Variants in TFB1M observed in about 807,000 individuals in gnomAD.
TFB1M encodes dimethyladenosine transferase 1, mitochondrial.
TFB1M carries 27 observed loss-of-function variants against 31.1 expected under a neutral mutation model. The ratio of observed to expected loss-of-function variants is 0.87; its 90% CI spans 0.64 to 1.20. TFB1M has a LOEUF of 1.20. Among genes scored for constraint, TFB1M ranks in the 50% most tolerant of loss-of-function variants. The probability of loss-of-function intolerance (pLI) is 0.00; values close to 1 mark genes in which losing one functional copy is unlikely to be tolerated. For missense variants in TFB1M, 394 were observed against 418.7 expected (o/e 0.94, Z 0.51); for synonymous variants, 166 against 151.8 (o/e 1.09, Z -0.69).
chr6:155,263,062 T>C (rs749927764), intron 5 of TFB1M, among the ~76,000 whole-genome samples: 2 of 152,206 alleles, frequency 1.3e-5, no homozygotes, highest in African/African-American at 2.4e-5. Context: ...CTTCCAGTTA[T>C]GTCTCCTGCT....
intron 4 of TFB1M, among the ~76,000 whole-genome samples, chr6:155,290,008 G>A (rs528352609): frequency 1.5e-4 from 23 of 152,302 alleles, no homozygotes; most frequent in African/African-American, 5.5e-4. Context: ...TTCCTGTAGA[G>A]TTGCAGAAAT....
the TFB1M span, chr6:155,245,754 A>AATTT: frequency 3.6e-6 from 2 of 562,928 alleles, no homozygotes; most frequent in African/African-American, 5.6e-5. Flanking sequence ...TGCCTTTTAT[A>AATTT]GTTTTTTTTT....
intron 5 of TFB1M, among the ~76,000 whole-genome samples, chr6:155,263,366 C>T (rs921213036): frequency 6.6e-6 from 1 of 152,096 alleles, no homozygotes; most frequent in Non-Finnish European, 1.5e-5. Flanking sequence ...AGTTTAATGC[C>T]GCCAGCCTTT....
chr6:155,280,832 A>G (rs1432842400), intron 5 of TFB1M, among the ~76,000 whole-genome samples: 1 of 152,230 alleles, frequency 6.6e-6, no homozygotes, highest in Non-Finnish European at 1.5e-5. Flanking sequence ...CAAGGCCTCA[A>G]TAGCTGTGAA....
chr6:155,277,279 C>T (rs533862269), intron 5 of TFB1M, among the ~76,000 whole-genome samples: 50 of 152,232 alleles, frequency 3.3e-4, no homozygotes, highest in African/African-American at 1.1e-3. Flanking sequence ...AAATTTCATT[C>T]ATGTTAACAA....
intron 2 of TFB1M, among the ~76,000 whole-genome samples, chr6:155,301,910 C>T (rs1582871848): frequency 6.6e-6 from 1 of 152,084 alleles, no homozygotes; most frequent in Admixed American, 6.5e-5. Context: ...TGGTATTATG[C>T]TTTGTAAAGG....
the TFB1M span, among the ~76,000 whole-genome samples, chr6:155,234,961 CAGCTAGAGAGGGGAACAG>C: frequency 6.6e-6 from 1 of 151,984 alleles, no homozygotes; most frequent in African/African-American, 2.4e-5. Context: ...GCTGTGCGGA[CAGCTAGAGAGGGGAACAG>C]AGCTAGAGAC....
chr6:155,235,595 CTT>C, the TFB1M span, among the ~76,000 whole-genome samples: 3 of 152,254 alleles, frequency 2.0e-5, no homozygotes, highest in Non-Finnish European at 4.4e-5. Flanking sequence ...AAAAGACACA[CTT>C]ATAATTACTC....
At chr6:155,266,621 C>T (rs778829351) in intron 5 of TFB1M, among the ~76,000 whole-genome samples, 6 of 151,858 alleles carry the variant, frequency 4.0e-5, no homozygotes, top group Admixed American at 2.6e-4. Context: ...CCAAAGCGGG[C>T]GAATCATGAG....
intron 5 of TFB1M, chr6:155,276,414 G>T: frequency 6.4e-7 from 1 of 1,554,002 alleles, no homozygotes; most frequent in East Asian, 2.3e-5. Flanking sequence ...GGAACTTTTG[G>T]GTGCCAAATG....
At chr6:155,284,594 C>T (rs924668472) in intron 5 of TFB1M, among the ~76,000 whole-genome samples, 1 of 152,246 alleles carries the variant, frequency 6.6e-6, no homozygotes, top group East Asian at 1.9e-4. Flanking sequence ...AAACAGACAA[C>T]GGTTTTTTTA....
the TFB1M span, chr6:155,248,145 G>A: frequency 1.2e-5 from 20 of 1,613,954 alleles, no homozygotes; most frequent in African/African-American, 2.7e-5. Flanking sequence ...TGTCCCTGAC[G>A]GACCAGGAGA....
chr6:155,305,246 TTA>T lies in TFB1M; in HGVS notation c.285+5940_285+5941del, dbSNP rs564997262. ...TATATATATATATTAAATTATATATTTATATATATATTAAATTATATATTTAT... is the reference window on the plus strand; with the variant it reads ...TATATATATATATTAAATTATATATTTATATATATTAAATTATATATTTAT... On this transcript the variant is annotated intron_variant, in intron 2 of 6. Transcript: ENST00000367166. 4.6e-3 allele frequency among the ~76,000 whole-genome samples: 151 copies of T among 32,804 alleles called. 42 individuals carry two copies. In the East Asian group the frequency reaches 0.3, roughly 65 times the overall value. 21.5% of individuals were successfully genotyped at this position (32,804 alleles called of 152,430 possible). A position where few individuals can be genotyped will look rare whatever the true frequency, so the allele number is the denominator to read the frequency against.
intron 2 of TFB1M, 93 bp downstream of exon 2, chr6:155,311,095 C>T: frequency 1.4e-6 from 2 of 1,418,018 alleles, no homozygotes; most frequent in Non-Finnish European, 2.0e-6. Flanking sequence ...GAAAAACCTA[C>T]ATAATCTTTG....
chr6:155,282,672 C>T (rs1307953926), intron 5 of TFB1M, among the ~76,000 whole-genome samples: 1 of 152,066 alleles, frequency 6.6e-6, no homozygotes, highest in Non-Finnish European at 1.5e-5. Flanking sequence ...AGAGTACTAG[C>T]CTTGAATTAG....
At position 155,256,831 on chromosome 6, in the gene TFB1M, G is replaced by C. The variant is rs144439047; in HGVS notation, c.*1005C>G. ...TTCCGAGGACCCAGACGTTCACCCC[G>C]AGGCTGAGCAGCAGCCTGGCCCGGA... On this transcript the variant is annotated 3_prime_UTR_variant, in exon 7 of 7. Coordinates refer to ENST00000367166, the MANE Select transcript of TFB1M (RefSeq NM_016020.4). 3 of 1,614,068 alleles carry C rather than the reference G, an allele frequency of 1.9e-6. No individual in the cohort carries two copies. The African/African-American group carries it at 4.0e-5, about 22-fold the overall frequency.
At chr6:155,260,175 C>A in intron 6 of TFB1M, 98 bp downstream of exon 6, 1 of 1,342,778 alleles carries the variant, frequency 7.4e-7, no homozygotes, top group Non-Finnish European at 1.1e-6. Flanking sequence ...GTGTAATACT[C>A]AGAGCTTTAA....
chr6:155,249,814 AAC>A, the TFB1M span: 56 of 1,543,210 alleles, frequency 3.6e-5, no homozygotes, highest in Admixed American at 6.5e-4. Context: ...TAAAACAAAT[AAC>A]AGTTATGAAA....
rs1468809111 is a variant in TFB1M at position 155,305,475 on chromosome 6, A to C, written c.285+5713T>G. 6.2e-5 allele frequency among the ~76,000 whole-genome samples: 2 copies of C among 32,364 alleles called. 1 individual carries two copies. Among genetic ancestry groups the C allele is most frequent in the Non-Finnish European group, 9.6e-5 (2 of 20,790 alleles). The allele number at this position is 32,364 out of a possible 152,430, so 21.2% of individuals were successfully genotyped here. Reference sequence around the variant, plus strand: ...TATATATTTATATATATAAATATATATTAAATTATATATATAAATATATAT... The same window carrying C: ...TATATATTTATATATATAAATATATCTTAAATTATATATATAAATATATAT... On this transcript the variant is annotated intron_variant, in intron 2 of 6. Transcript: ENST00000367166.
Sources: gnomAD v4.1 joint callset for allele counts (sites outside exome capture counted in the v4.1 genomes callset) on GRCh38, gnomAD v4.1.1 for gene constraint, MANE v1.5 for transcripts, NCBI Gene and HGNC (gene_info 2026-07-23, HGNC 2026-07-21) for gene names.